The following ZPBP variants were observed in gnomAD, a reference collection of about 807,000 sequenced individuals.
ZPBP encodes the protein zona pellucida-binding protein 1.
ZPBP carries 26 observed loss-of-function variants against 44.8 expected under a neutral mutation model. The observed-to-expected ratio is 0.58, with a 90% CI of 0.43 to 0.81. The LOEUF (loss-of-function observed/expected upper bound fraction) is 0.81. Among genes scored for constraint, ZPBP ranks in the 30% least tolerant of loss-of-function variants. ZPBP has a pLI of 0.00. For missense variants in ZPBP, 409 were observed against 434.0 expected (o/e 0.94, Z 0.51); for synonymous variants, 174 against 153.2 (o/e 1.14, Z -1.00).
intron 3 of ZPBP, among the ~76,000 whole-genome samples, chr7:50,070,119 C>T (rs1052597015): frequency 2.6e-5 from 4 of 152,156 alleles, no homozygotes; most frequent in African/African-American, 9.7e-5. Flanking sequence ...GACTCCTCAT[C>T]AGACTAAACG....
At chr7:49,904,258 A>G (rs1463936524) in intron 1 of ZPBP, among the ~76,000 whole-genome samples, 2 of 151,408 alleles carry the variant, frequency 1.3e-5, no homozygotes, top group Non-Finnish European at 2.9e-5. Flanking sequence ...TTTACCGAGG[A>G]CTCCCATACC....
chr7:50,018,030 C>T (rs1314034624), intron 6 of ZPBP, among the ~76,000 whole-genome samples: 1 of 151,854 alleles, frequency 6.6e-6, no homozygotes, highest in Non-Finnish European at 1.5e-5. Flanking sequence ...TTCATATAAC[C>T]AATTACAAAA....
intron 2 of ZPBP, among the ~76,000 whole-genome samples, chr7:49,895,387 T>A (rs1792333632): frequency 6.6e-6 from 1 of 152,174 alleles, no homozygotes. Context: ...AATATTCAGA[T>A]CACAGCATTG....
intron 2 of ZPBP, 58 bp from the exon 3 acceptor site, chr7:50,081,957 T>C: frequency 6.3e-7 from 1 of 1,579,224 alleles, no homozygotes; most frequent in Non-Finnish European, 8.6e-7. Flanking sequence ...TCTTTCTCTA[T>C]AATGTACACT....
chr7:50,007,079 A>G (rs1265721720), intron 6 of ZPBP, among the ~76,000 whole-genome samples: 1 of 151,868 alleles, frequency 6.6e-6, no homozygotes, highest in Admixed American at 6.6e-5. Context: ...ACTATGTGAG[A>G]ACCAACCAAG....
chr7:49,849,346 T>C (rs758369359), downstream of ZPBP, among the ~76,000 whole-genome samples: 7 of 152,212 alleles, frequency 4.6e-5, no homozygotes, highest in Non-Finnish European at 7.3e-5. Flanking sequence ...GGGGCAGCAC[T>C]GGAAATTAGA....
intron 2 of ZPBP, among the ~76,000 whole-genome samples, chr7:49,861,988 G>C (rs1790668287): frequency 6.6e-6 from 1 of 152,114 alleles, no homozygotes; most frequent in Non-Finnish European, 1.5e-5. Flanking sequence ...ATGAATTTTA[G>C]GATAGGCTTT....
intron 1 of ZPBP, among the ~76,000 whole-genome samples, chr7:49,930,528 AAATT>A (rs1794410309): frequency 6.6e-6 from 1 of 152,234 alleles, no homozygotes; most frequent in Non-Finnish European, 1.5e-5. Flanking sequence ...AAAAAAATGA[AAATT>A]AATAGAGGAA....
the ZPBP span, among the ~76,000 whole-genome samples, chr7:49,844,267 C>A: frequency 6.6e-6 from 1 of 152,142 alleles, no homozygotes; most frequent in Non-Finnish European, 1.5e-5. Context: ...TGAAGGGCGT[C>A]GATTCTATCC....
intron 3 of ZPBP, among the ~76,000 whole-genome samples, chr7:50,078,097 G>C (rs1802188780): frequency 6.6e-6 from 1 of 151,740 alleles, no homozygotes; most frequent in Non-Finnish European, 1.5e-5. Context: ...CAACAACATG[G>C]CTGGAACTGG....
chr7:49,895,586 A>C (rs1275306890), intron 2 of ZPBP, among the ~76,000 whole-genome samples: 2 of 152,226 alleles, frequency 1.3e-5, no homozygotes, highest in East Asian at 3.8e-4. Flanking sequence ...TTTCAAAATT[A>C]ATCATTTTTA....
At chr7:50,064,995 T>G (rs1801428510) in intron 3 of ZPBP, among the ~76,000 whole-genome samples, 1 of 152,220 alleles carries the variant, frequency 6.6e-6, no homozygotes, top group Non-Finnish European at 1.5e-5. Flanking sequence ...ATAAAAGTAT[T>G]AATTTGGGGA....
chr7:49,985,564 A>C (rs1327972669), intron 6 of ZPBP, among the ~76,000 whole-genome samples: 1 of 151,814 alleles, frequency 6.6e-6, no homozygotes, highest in Non-Finnish European at 1.5e-5. Flanking sequence ...GACTATAATT[A>C]AAAGTGTCAG....
chr7:49,957,375 G>T (rs1194612728), intron 7 of ZPBP, among the ~76,000 whole-genome samples: 1 of 152,184 alleles, frequency 6.6e-6, no homozygotes, highest in Non-Finnish European at 1.5e-5. Context: ...GGCCCAGAGT[G>T]CCAAGGTCTG....
rs1802366548 is a variant in ZPBP, at chr7:50,081,780, C to A, written c.328G>T (p.Val110Phe). The change falls in exon 3 of 8, where the codon GTT becomes TTT. Residue 110 changes from valine to phenylalanine, a missense_variant. By Grantham distance (50) the Val-to-Phe change is conservative. Around this residue, in one of 2 missense-constraint regions of ZPBP, gnomAD observed 367 missense variants for 363.1 expected, o/e 1.01. Transcript: ENST00000046087. ...FQWYGPKGKV[V>F]SVENRTAQIT... ...AATTGAAACAAAATCCTACCTGAAA[C>A]AACTTTTCCTTTAGGCCCATACCAT... 6.2e-7 allele frequency: 1 copy of A among 1,610,830 alleles called. No homozygotes were observed. Among genetic ancestry groups the A allele is most frequent in the Non-Finnish European group, 8.5e-7 (1 of 1,177,944 alleles).
rs981403697 is a variant in ZPBP, at chr7:49,994,500, A to G, written c.784-10981T>C. Among the ~76,000 whole-genome samples, 6 of 152,330 alleles carry G rather than the reference A, an allele frequency of 3.9e-5. No homozygotes were observed. In the South Asian group the frequency reaches 1.2e-3, roughly 32 times the overall value. On this transcript the variant is annotated intron_variant, in intron 6 of 7. Transcript: ENST00000046087. ...CCATCTGATAACAGTATTGCTGTGCATGATCAACTTTATGGCTTAGTGGGT... is the reference window on the plus strand; with the variant it reads ...CCATCTGATAACAGTATTGCTGTGCGTGATCAACTTTATGGCTTAGTGGGT...
chr7:49,996,707 G>A (rs1157879575), intron 6 of ZPBP, among the ~76,000 whole-genome samples: 1 of 152,146 alleles, frequency 6.6e-6, no homozygotes, highest in Non-Finnish European at 1.5e-5. Context: ...TTATGAGTTA[G>A]ACTTTGTTCA....
chr7:50,041,037 G>T (rs779444136), intron 4 of ZPBP, among the ~76,000 whole-genome samples: 1 of 152,182 alleles, frequency 6.6e-6, no homozygotes, highest in Non-Finnish European at 1.5e-5. Context: ...AAATAAAGCT[G>T]CCTGGAAGTT....
At chr7:50,057,953 A>T (rs749174012) in intron 4 of ZPBP, 36 bp downstream of exon 4, 8 of 1,574,332 alleles carry the variant, frequency 5.1e-6, no homozygotes, top group Admixed American at 1.7e-5. Context: ...TAAAATCATT[A>T]AGAAAGGTTA....
Sources: allele counts gnomAD v4.1 joint callset (sites outside exome capture counted in the v4.1 genomes callset), GRCh38; gene constraint gnomAD v4.1.1; regional missense constraint gnomAD v4.1.1; transcripts MANE v1.5; gene names NCBI Gene and HGNC (gene_info 2026-07-23, HGNC 2026-07-21).